PCDHA9: variants seen among roughly 807,000 people sequenced by gnomAD.
PCDHA9 encodes the protein protocadherin alpha-9.
A neutral mutation model predicts 62.0 loss-of-function variants in PCDHA9; 62 were observed. The ratio of observed to expected loss-of-function variants is 1.00; its 90% CI spans 0.81 to 1.23. The LOEUF (loss-of-function observed/expected upper bound fraction) is 1.23, where lower values mean the gene tolerates loss of function less well. PCDHA9 is among the 50% of genes most tolerant of loss of function. The pLI is 0.00. For missense variants in PCDHA9, 1,205 were observed against 1,249.8 expected, an observed-to-expected ratio of 0.96 and a Z score of 0.54; for synonymous variants, 557 against 567.6, an observed-to-expected ratio of 0.98 and a Z score of 0.27.
chr5:140,869,936 C>T (rs1554163630), intron 1 of PCDHA9: 1 of 1,611,844 alleles, frequency 6.2e-7, no homozygotes, highest in South Asian at 1.1e-5. Flanking sequence ...GGAGAGGTAA[C>T]ATACTCCTTA....
At chr5:140,877,093 G>C in intron 1 of PCDHA9, 1 of 1,613,296 alleles carries the variant, frequency 6.2e-7, no homozygotes, top group Non-Finnish European at 8.5e-7. Context: ...GCGCGACGCC[G>C]GCGTGCCGCC....
intron 1 of PCDHA9, among the ~76,000 whole-genome samples, chr5:140,920,380 T>C (rs1386655132): frequency 2.0e-5 from 3 of 152,246 alleles, no homozygotes; most frequent in Non-Finnish European, 4.4e-5. Flanking sequence ...TGTGGATTCA[T>C]ATTACCATCT....
chr5:140,982,696 A>G lies in PCDHA9; in HGVS notation c.2542+133A>G. ...GTTATTCCCTTTTTTCCATACATAC[A>G]TGATTTCCTTACATATATGATTATT... On this transcript the variant is annotated intron_variant, in intron 3 of 3. Transcript: ENST00000532602. 2.9e-6 allele frequency: 4 copies of G among 1,397,036 alleles called. No individual in the cohort carries two copies. The East Asian group carries it at 7.6e-5, about 27-fold the overall frequency. 86.5% of individuals were successfully genotyped at this position (1,397,036 alleles called of 1,614,324 possible). A position where few individuals can be genotyped will look rare whatever the true frequency, so the allele number is the denominator to read the frequency against.
chr5:140,852,042 T>C, intron 1 of PCDHA9: 1 of 921,096 alleles, frequency 1.1e-6, no homozygotes, highest in African/African-American at 1.8e-5. Context: ...GAGTTTTTGT[T>C]ATGTGGTTTA....
chr5:140,870,903 A>G lies in PCDHA9; in HGVS notation c.2394+20014A>G, dbSNP rs182770106. On this transcript the variant is annotated intron_variant, in intron 1 of 3. Transcript: ENST00000532602. ...AGGTGCGCGCAGTGGATGCGGACTC[A>G]GGCTACAACGCGTGGCTTTCATATG... The G allele has an allele frequency of 1.9e-6, 3 of 1,613,930 alleles. No individual in the cohort carries two copies. In the East Asian group the frequency reaches 6.7e-5, roughly 36 times the overall value.
chr5:140,916,060 C>G (rs1554197265), intron 1 of PCDHA9, among the ~76,000 whole-genome samples: 1 of 152,174 alleles, frequency 6.6e-6, no homozygotes, highest in Non-Finnish European at 1.5e-5. Flanking sequence ...GGTGCCTCTC[C>G]CTGTGGCCAG....
chr5:140,927,071 G>A lies in PCDHA9; in HGVS notation c.2395-51878G>A. 3 of 1,611,088 alleles carry A rather than the reference G, an allele frequency of 1.9e-6. No homozygotes were observed. The highest frequency in any genetic ancestry group is 2.5e-6 in the Non-Finnish European group (3 of 1,177,862). On this transcript the variant is annotated intron_variant, in intron 1 of 3. Transcript: ENST00000532602. ...TCGCGGAACTTTCGCTTCCTTTCCAGCCACCGCGAGCTCTACTTCGGGGTG... is the reference window on the plus strand; with the variant it reads ...TCGCGGAACTTTCGCTTCCTTTCCAACCACCGCGAGCTCTACTTCGGGGTG...
chr5:140,883,712 G>A lies in PCDHA9; in HGVS notation c.2394+32823G>A, dbSNP rs372048294. On this transcript the variant is annotated intron_variant, in intron 1 of 3. Transcript: ENST00000532602. ...CATCTTCACGGTGTCTGCTCAGGAC[G>A]CGGACGCACAGGAGAACGCGCTGGT... 1.6e-5 allele frequency: 26 copies of A among 1,613,658 alleles called. No homozygotes were observed. The highest frequency in any genetic ancestry group is 2.2e-5 in the East Asian group (1 of 44,880).
chr5:140,891,904 T>A (rs1429453216), intron 1 of PCDHA9, among the ~76,000 whole-genome samples: 3 of 152,212 alleles, frequency 2.0e-5, no homozygotes, highest in Non-Finnish European at 4.4e-5. Flanking sequence ...AAGAAGATCT[T>A]CACCAGATGC....
chr5:140,863,319 C>A, intron 1 of PCDHA9: 1 of 1,445,714 alleles, frequency 6.9e-7, no homozygotes, highest in Non-Finnish European at 9.4e-7. Context: ...TGGTGTCCAG[C>A]CTGTTAGTGC....
At chr5:140,966,712 T>C (rs2153748592) in intron 1 of PCDHA9, 2 of 1,392,090 alleles carry the variant, frequency 1.4e-6, no homozygotes, top group Middle Eastern at 2.7e-4. Flanking sequence ...GGGGCACGGC[T>C]GGGGAAGCTG....
Position 140,848,406 on chromosome 5 carries a change from G to C in PCDHA9, c.-90G>C. 2 of 1,338,990 alleles carry C rather than the reference G, an allele frequency of 1.5e-6. No individual in the cohort carries two copies. Among genetic ancestry groups the C allele is most frequent in the Admixed American group, 4.3e-5 (2 of 46,518 alleles). The allele number at this position is 1,338,990 out of a possible 1,614,324, so 82.9% of individuals were successfully genotyped here. ...CACTCTCTCTGTGCTGAACGATGGC[G>C]AACACAGCAGAATGGGACTGACGAA... On this transcript the variant is annotated 5_prime_UTR_variant, in exon 1 of 4. Coordinates refer to ENST00000532602, the MANE Select transcript of PCDHA9 (RefSeq NM_031857.2).
chr5:141,000,657 A>T (rs1403117310), intron 3 of PCDHA9, among the ~76,000 whole-genome samples: 1 of 151,102 alleles, frequency 6.6e-6, no homozygotes, highest in Non-Finnish European at 1.5e-5. Flanking sequence ...CGAACTCCTG[A>T]CCTCAGGTGA....
At chr5:141,008,712 T>G (rs1554261909) in intron 3 of PCDHA9, among the ~76,000 whole-genome samples, 1 of 152,210 alleles carries the variant, frequency 6.6e-6, no homozygotes, top group Non-Finnish European at 1.5e-5. Flanking sequence ...TCTAGTTGCT[T>G]GAGTGTATGT....
intron 1 of PCDHA9, chr5:140,852,865 C>G (rs2042498317): frequency 7.4e-6 from 7 of 950,286 alleles, no homozygotes; most frequent in Non-Finnish European, 7.6e-6. Flanking sequence ...TTTACTATGT[C>G]ATCAATAATC....
In PCDHA9 at chr5:140,852,152, C is replaced by T. The variant is rs1163475400; in HGVS notation, c.2394+1263C>T. The T allele has an allele frequency of 5.8e-6, 5 of 861,034 alleles. 1 individual carries two copies. The highest frequency in any genetic ancestry group is 1.2e-3 in the Middle Eastern group (2 of 1,666). The allele number at this position is 861,034 out of a possible 1,614,324, so 53.3% of individuals were successfully genotyped here. ...CTCAGTAGAGAAAGATCAGAATGGC[C>T]TTGAGAATAGAGCCACAAAAATAAC... On this transcript the variant is annotated intron_variant, in intron 1 of 3. Transcript: ENST00000532602.
chr5:140,856,140 A>G lies in PCDHA9; in HGVS notation c.2394+5251A>G, dbSNP rs782672623. Reference sequence around the variant, plus strand: ...TGGGAGGTGGGGAGCGGCCAGCTCCACTACTCAGTCTACGAGGAGGCCAGA... The same window carrying G: ...TGGGAGGTGGGGAGCGGCCAGCTCCGCTACTCAGTCTACGAGGAGGCCAGA... On this transcript the variant is annotated intron_variant, in intron 1 of 3. Transcript: ENST00000532602. 4.4e-6 allele frequency: 7 copies of G among 1,598,030 alleles called. 1 individual carries two copies. The African/African-American group carries it at 8.1e-5, about 18-fold the overall frequency.
At chr5:140,895,904 C>CG (rs2065248350) in intron 1 of PCDHA9, among the ~76,000 whole-genome samples, 2 of 152,138 alleles carry the variant, frequency 1.3e-5, no homozygotes, top group Non-Finnish European at 2.9e-5. Flanking sequence ...CTCCGCGTCC[C>CG]GGGCTCAACA....
rs781985413 is a variant in PCDHA9 at position 140,857,290 on chromosome 5, C to T, written c.2394+6401C>T. On this transcript the variant is annotated intron_variant, in intron 1 of 3. Coordinates refer to ENST00000532602, the MANE Select transcript of PCDHA9 (RefSeq NM_031857.2). ...TGGTGCTGGACAGCGCTCTGGACCG[C>T]GAGAGGGTGTCGGCCTATGAGCTGG... 16 of 1,598,706 alleles carry T rather than the reference C, an allele frequency of 1.0e-5. 2 individuals carry two copies. Among genetic ancestry groups the T allele is most frequent in the Non-Finnish European group, 1.4e-5 (16 of 1,168,040 alleles).
Sources: allele counts gnomAD v4.1 joint callset (sites outside exome capture counted in the v4.1 genomes callset), GRCh38; gene constraint gnomAD v4.1.1; transcripts MANE v1.5; gene names NCBI Gene and HGNC (gene_info 2026-07-23, HGNC 2026-07-21).